RNF180: variants seen among roughly 807,000 people sequenced by gnomAD.
The protein encoded by RNF180 is E3 ubiquitin-protein ligase RNF180.
RNF180 carries 38 observed loss-of-function variants against 59.2 expected under a neutral mutation model. The observed-to-expected ratio is 0.64, with a 90% CI of 0.50 to 0.84. The LOEUF (loss-of-function observed/expected upper bound fraction) is 0.84. RNF180 is among the 40% of genes least tolerant of loss of function. The probability of loss-of-function intolerance (pLI) is 0.00; values close to 1 mark genes in which losing one functional copy is unlikely to be tolerated. For synonymous variants in RNF180, 262 were observed against 240.3 expected, an observed-to-expected ratio of 1.09 and a Z score of -0.84; for missense variants, 705 against 700.9, an observed-to-expected ratio of 1.01 and a Z score of -0.07.
rs765655308 is a variant in RNF180 at position 64,213,853 on chromosome 5, G to C, written c.527G>C (p.Gly176Ala). 1.1e-5 allele frequency: 17 copies of C among 1,614,102 alleles called. No individual in the cohort carries two copies. Among genetic ancestry groups the C allele is most frequent in the East Asian group, 2.2e-5 (1 of 44,884 alleles). Residue 176 changes from glycine (G) to alanine (A), a missense_variant, in exon 4 of 8, where the codon GGA (glycine) becomes GCA (alanine). By Grantham distance (60) the Gly-to-Ala change is moderately conservative. Transcript: ENST00000389100. ...ATGGCCCGAAATAATAATGACCCTG[G>C]AAGATTAACAGAAGCACTCTGCCTG... ...LNMARNNNDP[G>A]RLTEALCLEV...
intron 5 of RNF180, among the ~76,000 whole-genome samples, chr5:64,255,806 A>G (rs758365132): frequency 6.6e-6 from 1 of 152,256 alleles, no homozygotes; most frequent in Middle Eastern, 3.2e-3. Context: ...ACTAGTTTAC[A>G]TTCCCACAAA....
chr5:64,284,306 C>G (rs1561238170), intron 5 of RNF180, among the ~76,000 whole-genome samples: 1 of 152,112 alleles, frequency 6.6e-6, no homozygotes. Flanking sequence ...TCATGTTGAC[C>G]TTGAAGAATC....
At chr5:64,209,417 A>C (rs1008539026) in intron 2 of RNF180, among the ~76,000 whole-genome samples, 5 of 152,006 alleles carry the variant, frequency 3.3e-5, no homozygotes, top group African/African-American at 4.8e-5. Context: ...ATAGTAAAAT[A>C]AGAAGTAGGA....
At chr5:64,256,993 G>T (rs1470480794) in intron 5 of RNF180, among the ~76,000 whole-genome samples, 1 of 152,064 alleles carries the variant, frequency 6.6e-6, no homozygotes, top group Non-Finnish European at 1.5e-5. Context: ...TCCTGATTTG[G>T]CTCTCTGTTT....
At chr5:64,339,917 G>A (rs1745293061) in intron 7 of RNF180, among the ~76,000 whole-genome samples, 1 of 152,036 alleles carries the variant, frequency 6.6e-6, no homozygotes, top group Admixed American at 6.5e-5. Flanking sequence ...TGGGTAATAA[G>A]AAAAGGAATG....
At chr5:64,348,606 A>T (rs993510312) in intron 7 of RNF180, among the ~76,000 whole-genome samples, 1 of 151,894 alleles carries the variant, frequency 6.6e-6, no homozygotes, top group African/African-American at 2.4e-5. Flanking sequence ...AGCAATAGCG[A>T]TTTTTTTTAA....
chr5:64,352,631 C>G (rs985137661), intron 7 of RNF180, among the ~76,000 whole-genome samples: 1 of 152,106 alleles, frequency 6.6e-6, no homozygotes, highest in East Asian at 1.9e-4. Flanking sequence ...CAAAGAACAT[C>G]TTTATTTCTG....
intron 5 of RNF180, among the ~76,000 whole-genome samples, chr5:64,275,166 A>G (rs1426559564): frequency 6.6e-6 from 1 of 151,608 alleles, no homozygotes; most frequent in Non-Finnish European, 1.5e-5. Context: ...TGTAACATAC[A>G]TGTCTGTATA....
At position 64,344,144 on chromosome 5, in the gene RNF180, C is replaced by T. The variant is rs115601083; in HGVS notation, c.1579+13738C>T. 4.7e-3 allele frequency among the ~76,000 whole-genome samples: 709 copies of T among 151,900 alleles called. 9 individuals are homozygous for T. The highest frequency in any genetic ancestry group is 0.016 in the African/African-American group (680 of 41,466). On this transcript the variant is annotated intron_variant, in intron 7 of 7. Coordinates refer to ENST00000389100, the MANE Select transcript of RNF180 (RefSeq NM_001113561.2). ...AAAATGTAAACATTAAAAATTCATACTAAAATAGATTGGCAGATGGGTTAA... is the reference window on the plus strand; with the variant it reads ...AAAATGTAAACATTAAAAATTCATATTAAAATAGATTGGCAGATGGGTTAA...
chr5:64,189,972 A>G (rs1051857328), intron 1 of RNF180, among the ~76,000 whole-genome samples: 2 of 152,228 alleles, frequency 1.3e-5, no homozygotes, highest in Non-Finnish European at 2.9e-5. Flanking sequence ...AAGATGATAC[A>G]GAGATGCCTC....
At chr5:64,348,360 G>C (rs1296021546) in intron 7 of RNF180, among the ~76,000 whole-genome samples, 2 of 151,992 alleles carry the variant, frequency 1.3e-5, no homozygotes, top group Admixed American at 1.3e-4. Flanking sequence ...AAAAAGCCTT[G>C]AGTTCACTGT....
At chr5:64,357,914 T>G (rs1250182084) in intron 7 of RNF180, among the ~76,000 whole-genome samples, 1 of 151,870 alleles carries the variant, frequency 6.6e-6, no homozygotes, top group Non-Finnish European at 1.5e-5. Context: ...CTTTGTAATT[T>G]TTATAACCTA....
At chr5:64,227,067 ACACT>A (rs1214618754) in intron 5 of RNF180, among the ~76,000 whole-genome samples, 3 of 152,194 alleles carry the variant, frequency 2.0e-5, no homozygotes, top group African/African-American at 4.8e-5. Context: ...AGAAGGGCAG[ACACT>A]CACGAGATCG....
intron 5 of RNF180, among the ~76,000 whole-genome samples, chr5:64,271,904 C>T (rs1002918093): frequency 2.6e-5 from 4 of 151,900 alleles, no homozygotes; most frequent in African/African-American, 7.3e-5. Flanking sequence ...GCACGTTTCC[C>T]ACCTCACCAG....
At chr5:64,287,249 G>A (rs1274209456) in intron 5 of RNF180, among the ~76,000 whole-genome samples, 1 of 152,164 alleles carries the variant, frequency 6.6e-6, no homozygotes, top group Non-Finnish European at 1.5e-5. Flanking sequence ...ACAGACGTGA[G>A]CCACCGTGCC....
rs769344091 is a variant in RNF180 at position 64,214,242 on chromosome 5, A to G, written c.916A>G (p.Arg306Gly). ...GGCCCCCCATGAGACCCAGACACAA[A>G]GAGGAGGAGAATTTCAGTGTGGTCT... ...SVAPHETQTQ[R>G]GGEFQCGLEA... Residue 306 changes from arginine (R) to glycine (G), a missense_variant, in exon 4 of 8, where the codon AGA becomes GGA. By Grantham distance (125) the Arg-to-Gly change is moderately radical (BLOSUM62 -2). Coordinates refer to ENST00000389100, the MANE Select transcript of RNF180 (RefSeq NM_001113561.2). The G allele has an allele frequency of 6.2e-7, 1 of 1,614,044 alleles. No individual in the cohort carries two copies. The highest frequency in any genetic ancestry group is 1.1e-5 in the South Asian group (1 of 91,078).
intron 5 of RNF180, among the ~76,000 whole-genome samples, chr5:64,270,582 A>G (rs1741341151): frequency 6.6e-6 from 1 of 152,142 alleles, no homozygotes; most frequent in Non-Finnish European, 1.5e-5. Flanking sequence ...CATTCTTCCC[A>G]TTGTGCTGAT....
rs2111963815 is a variant in RNF180, at chr5:64,183,963, GA to G, written c.1-16844del. ...TACCTCCGAACATGGCTATTTGGAG[GA>G]TAGGGACTTGAAAGAGGTGATTAAG... On this transcript the variant is annotated intron_variant, in intron 1 of 7. Coordinates refer to ENST00000389100, the MANE Select transcript of RNF180 (RefSeq NM_001113561.2). Among the ~76,000 whole-genome samples the G allele has an allele frequency of 2.0e-5, 3 of 152,292 alleles. No homozygotes were observed. The East Asian group carries it at 5.8e-4, about 29-fold the overall frequency.
intron 1 of RNF180, among the ~76,000 whole-genome samples, chr5:64,179,586 C>G (rs888588807): frequency 6.6e-6 from 1 of 152,126 alleles, no homozygotes; most frequent in African/African-American, 2.4e-5. Context: ...TAGATACATA[C>G]AGCTTTATTA....
Sources: allele counts gnomAD v4.1 joint callset (sites outside exome capture counted in the v4.1 genomes callset), GRCh38; gene constraint gnomAD v4.1.1; transcripts MANE v1.5; gene names NCBI Gene and HGNC (gene_info 2026-07-23, HGNC 2026-07-21).